Variants in SCNN1B observed in about 807,000 individuals in gnomAD.
SCNN1B encodes sodium channel epithelial 1 subunit beta.
A neutral mutation model predicts 65.3 loss-of-function variants in SCNN1B; 46 were observed. The ratio of observed to expected loss-of-function variants is 0.70; its 90% confidence interval spans 0.56 to 0.90. The LOEUF is 0.90. Ranked by LOEUF, SCNN1B falls within the 40% of genes least tolerant of loss-of-function variation. The pLI, the probability that SCNN1B is intolerant of heterozygous loss-of-function variation, is 0.00. For synonymous variants in SCNN1B, 349 were observed against 330.6 expected (o/e 1.06, Z -0.60); for missense variants, 751 against 830.5 (o/e 0.90, Z 1.18).
At chr16:23,282,210 T>C in intron 1 of SCNN1B, among the ~76,000 whole-genome samples, 1 of 152,076 alleles carries the variant, frequency 6.6e-6, no homozygotes, top group Non-Finnish European at 1.5e-5. Flanking sequence ...CTTGTACCCA[T>C]AAATCCATAA....
intron 11 of SCNN1B, among the ~76,000 whole-genome samples, chr16:23,379,583 G>A (rs1596892774): frequency 2.0e-5 from 3 of 152,290 alleles, no homozygotes; most frequent in South Asian, 4.1e-4. Flanking sequence ...GATCAGGTGG[G>A]AGGGGATGCC....
chr16:23,305,539 TA>T (rs1961181642), intron 1 of SCNN1B, among the ~76,000 whole-genome samples: 1 of 23,932 alleles, frequency 4.2e-5, no homozygotes, highest in South Asian at 1.4e-3. Flanking sequence ...ATATATTATA[TA>T]TATATATATA....
rs72654329 is a variant in SCNN1B at position 23,355,610 on chromosome 16, A to G, written c.776+121A>G. On this transcript the variant is annotated intron_variant, in intron 4 of 12. Coordinates refer to ENST00000343070, the MANE Select transcript of SCNN1B (RefSeq NM_000336.3). The stretch of plus-strand genomic sequence containing the variant: ...GCCCAGCCACTTACCGGCTATCTGC[A>G]GCACAGTTTTCTGTGCCTCGGTGTC... 3.0e-4 allele frequency: 292 copies of G among 987,016 alleles called. 2 individuals are homozygous for G. The African/African-American group carries it at 4.3e-3, about 15-fold the overall frequency. 61.1% of individuals were successfully genotyped at this position (987,016 alleles called of 1,614,324 possible). A position where few individuals can be genotyped will look rare whatever the true frequency, so the allele number is the denominator to read the frequency against.
At chr16:23,336,384 T>C (rs556412119) in intron 1 of SCNN1B, among the ~76,000 whole-genome samples, 1 of 151,746 alleles carries the variant, frequency 6.6e-6, no homozygotes, top group Admixed American at 6.6e-5. Context: ...TTTTTTTTTT[T>C]TTTTTTGAGA....
chr16:23,309,610 G>A (rs1001025142), intron 1 of SCNN1B, among the ~76,000 whole-genome samples: 1 of 152,206 alleles, frequency 6.6e-6, no homozygotes, highest in Non-Finnish European at 1.5e-5. Flanking sequence ...GGAGAAAGAT[G>A]TAGCCTAGGA....
At chr16:23,323,610 T>C (rs1343575483) in intron 1 of SCNN1B, 1 of 702,578 alleles carries the variant, frequency 1.4e-6, no homozygotes. Context: ...ACACAGTGAG[T>C]AAGTGACCCA....
intron 1 of SCNN1B, among the ~76,000 whole-genome samples, chr16:23,339,084 T>A (rs1214089456): frequency 6.6e-6 from 1 of 152,220 alleles, no homozygotes; most frequent in African/African-American, 2.4e-5. Flanking sequence ...TCACAATAGA[T>A]TAATTCATAT....
intron 4 of SCNN1B, among the ~76,000 whole-genome samples, chr16:23,365,530 A>G (rs1162174048): frequency 7.3e-6 from 1 of 137,878 alleles, no homozygotes; most frequent in Non-Finnish European, 1.5e-5. Flanking sequence ...AAAGAGAGAA[A>G]GAGAGAAGGA....
intron 1 of SCNN1B, among the ~76,000 whole-genome samples, chr16:23,283,191 A>C (rs1392711046): frequency 6.6e-6 from 1 of 152,200 alleles, no homozygotes; most frequent in Non-Finnish European, 1.5e-5. Context: ...CAGGTGGATC[A>C]CTTGAGGTCA....
At chr16:23,373,719 AC>A (rs745560872) in intron 7 of SCNN1B, among the ~76,000 whole-genome samples, 2 of 152,144 alleles carry the variant, frequency 1.3e-5, no homozygotes, top group Non-Finnish European at 2.9e-5. Flanking sequence ...GTAGGAAATG[AC>A]CCTCCTGGTG....
chr16:23,316,028 A>ATCACCATCGCCATCC (rs138027650), intron 1 of SCNN1B, among the ~76,000 whole-genome samples: 71,779 of 145,696 alleles, frequency 0.49, 21,419 homozygotes, highest in African/African-American at 0.86. Flanking sequence ...CATCATCACC[A>ATCACCATCGCCATCC]TCACCATCGC....
chr16:23,291,420 AC>A (rs1960922315), intron 2 of SCNN1B, among the ~76,000 whole-genome samples: 1 of 150,934 alleles, frequency 6.6e-6, no homozygotes, highest in East Asian at 1.9e-4. Flanking sequence ...TATGTATCCT[AC>A]TGTAATTTTT....
chr16:23,308,521 T>A (rs1252131732), intron 1 of SCNN1B, among the ~76,000 whole-genome samples: 1 of 152,212 alleles, frequency 6.6e-6, no homozygotes, highest in Non-Finnish European at 1.5e-5. Context: ...AGGCCCTGTC[T>A]CTAAAAAACA....
chr16:23,359,421 C>T (rs886871808), intron 4 of SCNN1B: 2 of 152,274 alleles, frequency 1.3e-5, no homozygotes, highest in Non-Finnish European at 2.9e-5. Flanking sequence ...CTCGGCAGGT[C>T]CCAGTGAAAG....
In SCNN1B at chr16:23,308,622, CATCTT is replaced by C. The variant is rs1044073024; in HGVS notation, c.-9+6198_-9+6202del. On this transcript the variant is annotated intron_variant, in intron 1 of 12. Coordinates refer to ENST00000343070, the MANE Select transcript of SCNN1B (RefSeq NM_000336.3). ...ATCTGTAATTTATTTTATTTTATTT[CATCTT>C]ATCTTATCTTATTTGTTTATTTATT... 5.3e-5 allele frequency among the ~76,000 whole-genome samples: 8 copies of C among 151,882 alleles called. No individual in the cohort carries two copies. In the East Asian group the frequency reaches 7.7e-4, roughly 15 times the overall value.
intron 2 of SCNN1B, among the ~76,000 whole-genome samples, chr16:23,286,704 G>A (rs1322990669): frequency 1.3e-5 from 2 of 152,160 alleles, no homozygotes; most frequent in Admixed American, 6.5e-5. Flanking sequence ...GCAAGACAAT[G>A]GTCCTAGTTG....
intron 1 of SCNN1B, among the ~76,000 whole-genome samples, chr16:23,344,727 C>T (rs2142012781): frequency 6.6e-6 from 1 of 152,252 alleles, no homozygotes; most frequent in South Asian, 2.1e-4. Context: ...GGTGCAGTGG[C>T]TCACACCTGT....
chr16:23,361,143 T>C (rs949120901), intron 4 of SCNN1B, among the ~76,000 whole-genome samples: 1 of 152,126 alleles, frequency 6.6e-6, no homozygotes, highest in East Asian at 1.9e-4. Flanking sequence ...TTTGCCAGGC[T>C]GGTCTCAAAC....
chr16:23,307,196 G>T (rs993655174), intron 1 of SCNN1B, among the ~76,000 whole-genome samples: 1 of 152,114 alleles, frequency 6.6e-6, no homozygotes, highest in Admixed American at 6.6e-5. Flanking sequence ...TGTGCTGGGA[G>T]GGTTCGAAGA....
Sources: gnomAD v4.1 joint callset for allele counts (sites outside exome capture counted in the v4.1 genomes callset) on GRCh38, gnomAD v4.1.1 for gene constraint, MANE v1.5 for transcripts, NCBI Gene and HGNC (gene_info 2026-07-23, HGNC 2026-07-21) for gene names.